Variants in APPL1 observed in about 807,000 individuals in gnomAD.
APPL1 encodes the protein adaptor protein, phosphotyrosine interacting with PH domain and leucine zipper 1, also known as DCC-interacting protein 13-alpha.
Under a neutral mutation model 106.8 loss-of-function variants are expected in APPL1, and 42 were observed. That is an observed-to-expected ratio of 0.39 (90% CI 0.31 to 0.51). APPL1 has a LOEUF of 0.51. Among genes scored for constraint, APPL1 ranks in the 20% least tolerant of loss-of-function variants. The pLI is 0.75. For missense variants in APPL1, 769 were observed against 858.2 expected (o/e 0.90, Z 1.30); for synonymous variants, 263 against 281.8 (o/e 0.93, Z 0.67).
At chr3:57,238,203 T>C in intron 4 of APPL1, 87 bp downstream of exon 4, 2 of 964,800 alleles carry the variant, frequency 2.1e-6, no homozygotes, top group Non-Finnish European at 3.1e-6. Context: ...AATAAAGCTC[T>C]ATTAAAGAGA....
At chr3:57,267,867 A>G (rs1167696688) in intron 20 of APPL1, 75 bp downstream of exon 20, 2 of 1,474,238 alleles carry the variant, frequency 1.4e-6, no homozygotes, top group Non-Finnish European at 1.9e-6. Flanking sequence ...CGAGGCGGGC[A>G]GATGACTTGA....
At chr3:57,243,254 G>A (rs2060756164) in intron 7 of APPL1, among the ~76,000 whole-genome samples, 2 of 152,154 alleles carry the variant, frequency 1.3e-5, no homozygotes, top group Admixed American at 1.3e-4. Flanking sequence ...TGTCTTCTGA[G>A]ATAGAGTGGT....
intron 15 of APPL1, among the ~76,000 whole-genome samples, chr3:57,257,700 G>A (rs1193531997): frequency 6.6e-6 from 1 of 152,174 alleles, no homozygotes; most frequent in East Asian, 1.9e-4. Context: ...TCTTAAAATT[G>A]CAGAAGAAAG....
intron 16 of APPL1, 102 bp downstream of exon 16, chr3:57,259,182 T>C (rs945932366): frequency 4.2e-6 from 4 of 961,444 alleles, no homozygotes; most frequent in Non-Finnish European, 6.3e-6. Flanking sequence ...TCAGTTTTAA[T>C]GCTATCTTTA....
At chr3:57,255,732 A>T (rs2060831781) in intron 13 of APPL1, among the ~76,000 whole-genome samples, 1 of 152,190 alleles carries the variant, frequency 6.6e-6, no homozygotes. Flanking sequence ...TGCTTTTAGT[A>T]ATTTGATCTC....
intron 11 of APPL1, among the ~76,000 whole-genome samples, chr3:57,249,781 T>G (rs186115300): frequency 1.8e-4 from 27 of 152,304 alleles, no homozygotes; most frequent in Admixed American, 1.8e-3. Flanking sequence ...ACCTGTGATT[T>G]CATGTTAGGG....
At chr3:57,245,552 T>TTTTTTTTTTTTTTTTA (rs2060768549) in intron 7 of APPL1, among the ~76,000 whole-genome samples, 1 of 151,956 alleles carries the variant, frequency 6.6e-6, no homozygotes. Flanking sequence ...TATGCAGTTT[T>TTTTTTTTTTTTTTTTA]TTTTTTTTTT....
At position 57,268,385 on chromosome 3, in the gene APPL1, A is replaced by C. The variant is rs923907401; in HGVS notation, c.1894-13A>C. 6.5e-7 allele frequency: 1 copy of C among 1,529,060 alleles called. No homozygotes were observed. Among genetic ancestry groups the C allele is most frequent in the Non-Finnish European group, 8.9e-7 (1 of 1,121,644 alleles). 94.7% of individuals were successfully genotyped at this position (1,529,060 alleles called of 1,614,324 possible). ...CATATTTAATTCATTAGTTTTATTC[A>C]TCTGTTCTTTAGGATCGTAGGGCAT... On this transcript the variant is annotated splice_polypyrimidine_tract_variant and intron_variant, in intron 20 of 21. Coordinates refer to ENST00000288266, the MANE Select transcript of APPL1 (RefSeq NM_012096.3).
intron 2 of APPL1, 148 bp downstream of exon 2, chr3:57,235,812 G>A (rs984235425): frequency 5.4e-6 from 3 of 557,520 alleles, no homozygotes; most frequent in African/African-American, 1.9e-5. Context: ...AATGAACATT[G>A]AGTGTATTAC....
chr3:57,243,990 C>T (rs998161690), intron 7 of APPL1, among the ~76,000 whole-genome samples: 47 of 152,076 alleles, frequency 3.1e-4, no homozygotes, highest in Non-Finnish European at 2.9e-5. Context: ...TGAAGGCTAC[C>T]TGTGTGAAGG....
chr3:57,267,516 G>T (rs1370931189), intron 19 of APPL1, among the ~76,000 whole-genome samples: 1 of 152,176 alleles, frequency 6.6e-6, no homozygotes, highest in Non-Finnish European at 1.5e-5. Context: ...GACATAACAA[G>T]AAGTGGGGTA....
At chr3:57,243,945 C>T (rs2060759561) in intron 7 of APPL1, among the ~76,000 whole-genome samples, 1 of 152,164 alleles carries the variant, frequency 6.6e-6, no homozygotes, top group Admixed American at 6.5e-5. Context: ...ATAGGCTTCA[C>T]TCCTGCCCTC....
chr3:57,269,232 C>T (rs543877219), intron 21 of APPL1: 12 of 197,520 alleles, frequency 6.1e-5, no homozygotes, highest in Non-Finnish European at 2.0e-5. Context: ...TGGGGGTGAT[C>T]CCTTTCGAGG....
rs374424569 is a variant in APPL1 at position 57,240,603 on chromosome 3, T to C, written c.373+51T>C. ...TTTCATTGGCTGTGAGATCAACACT[T>C]GTAAAATGCATATTACTCTGTACTT... On this transcript the variant is annotated intron_variant, in intron 5 of 21. Coordinates refer to ENST00000288266, the MANE Select transcript of APPL1 (RefSeq NM_012096.3). The C allele has an allele frequency of 9.6e-6, 14 of 1,456,670 alleles. No individual in the cohort carries two copies. The African/African-American group carries it at 1.8e-4, about 19-fold the overall frequency. The allele number at this position is 1,456,670 out of a possible 1,614,324, so 90.2% of individuals were successfully genotyped here.
intron 5 of APPL1, among the ~76,000 whole-genome samples, chr3:57,241,131 TG>T (rs1303413916): frequency 6.6e-6 from 1 of 152,120 alleles, no homozygotes; most frequent in African/African-American, 2.4e-5. Context: ...GAGAAGCCAA[TG>T]GGGGTCTTTA....
At chr3:57,245,927 A>G in intron 7 of APPL1, 149 bp from the exon 8 acceptor site, 1 of 509,540 alleles carries the variant, frequency 2.0e-6, no homozygotes. Flanking sequence ...TTTCTAAAAG[A>G]TCAGAAAACA....
At chr3:57,257,511 T>C in intron 15 of APPL1, 83 bp downstream of exon 15, 1 of 1,194,594 alleles carries the variant, frequency 8.4e-7, no homozygotes, top group African/African-American at 1.5e-5. Context: ...TCATCTCTTA[T>C]TTATAATGTA....
Position 57,246,188 on chromosome 3 carries a change from T to C in APPL1, c.587T>C (p.Leu196Ser), listed in dbSNP as rs780397444. The stretch of plus-strand genomic sequence containing the variant: ...CTTCAGTACAAGAAGAAAATAGCAT[T>C]GTTAGAACCTCTACTTGGGTACATG... ...NTLQYKKKIA[L>S]LEPLLGYMQA... The change falls in exon 8 of 22, where the codon TTG becomes TCG. Residue 196 changes from leucine to serine, a missense_variant. By Grantham distance (145) the Leu-to-Ser change is moderately radical (BLOSUM62 -2). Transcript: ENST00000288266. The C allele has an allele frequency of 1.2e-6, 2 of 1,609,406 alleles. No individual in the cohort carries two copies. Among genetic ancestry groups the C allele is most frequent in the Non-Finnish European group, 1.7e-6 (2 of 1,178,494 alleles).
intron 13 of APPL1, among the ~76,000 whole-genome samples, chr3:57,256,317 A>G (rs1351965962): frequency 8.1e-6 from 1 of 122,936 alleles, no homozygotes; most frequent in Non-Finnish European, 1.7e-5. Context: ...CAGATCTCTA[A>G]TTTAAATACC....
Sources: gnomAD v4.1 joint callset for allele counts (sites outside exome capture counted in the v4.1 genomes callset) on GRCh38, gnomAD v4.1.1 for gene constraint, MANE v1.5 for transcripts, NCBI Gene and HGNC (gene_info 2026-07-23, HGNC 2026-07-21) for gene names.